Variants in TIAM1 observed in about 807,000 individuals in gnomAD.
TIAM1 encodes TIAM Rac1 associated GEF 1, also known as rho guanine nucleotide exchange factor TIAM1.
A neutral mutation model predicts 163.5 loss-of-function variants in TIAM1; 65 were observed. The observed-to-expected ratio is 0.40, with a 90% CI of 0.33 to 0.49. TIAM1 has a LOEUF of 0.49. TIAM1 is among the 20% of genes least tolerant of loss of function. The probability of loss-of-function intolerance (pLI) is 0.77; values close to 1 mark genes in which losing one functional copy is unlikely to be tolerated. For synonymous variants in TIAM1, 833 were observed against 810.1 expected (o/e 1.03, Z -0.48); for missense variants, 1,789 against 2,044.7 (o/e 0.87, Z 2.41).
At chr21:31,506,032 G>T (rs1040098194) in intron 1 of TIAM1, among the ~76,000 whole-genome samples, 1 of 129,876 alleles carries the variant, frequency 7.7e-6, no homozygotes, top group Non-Finnish European at 1.6e-5. Context: ...AAAAAAAAAA[G>T]GCTGATGCGC....
At chr21:31,392,495 G>T (rs1051283319) in intron 2 of TIAM1, among the ~76,000 whole-genome samples, 1 of 151,126 alleles carries the variant, frequency 6.6e-6, no homozygotes, top group South Asian at 2.1e-4. Flanking sequence ...GCTTGAACCC[G>T]GGAGGCAAAG....
intron 2 of TIAM1, among the ~76,000 whole-genome samples, chr21:31,385,835 T>C (rs527460296): frequency 1.4e-5 from 2 of 147,180 alleles, no homozygotes; most frequent in Non-Finnish European, 3.0e-5. Context: ...TTTAATATAT[T>C]ATATATTTAT....
At chr21:31,163,526 T>C (rs2084036472) in intron 16 of TIAM1, among the ~76,000 whole-genome samples, 1 of 152,122 alleles carries the variant, frequency 6.6e-6, no homozygotes, top group Non-Finnish European at 1.5e-5. Flanking sequence ...TGTGCCCAAC[T>C]TAAAAAGACA....
At chr21:31,238,250 A>C (rs1601660291) in intron 6 of TIAM1, among the ~76,000 whole-genome samples, 1 of 152,340 alleles carries the variant, frequency 6.6e-6, no homozygotes, top group Non-Finnish European at 1.5e-5. Flanking sequence ...AACAGGTTTC[A>C]TTCTGATTCG....
intron 16 of TIAM1, among the ~76,000 whole-genome samples, chr21:31,159,198 C>T (rs529163631): frequency 2.6e-5 from 4 of 152,240 alleles, no homozygotes; most frequent in Non-Finnish European, 5.9e-5. Context: ...AGCTTTTCCA[C>T]TGTCAGGACT....
intron 2 of TIAM1, among the ~76,000 whole-genome samples, chr21:31,450,776 C>T (rs535188911): frequency 2.2e-4 from 34 of 152,224 alleles, no homozygotes; most frequent in African/African-American, 7.7e-4. Flanking sequence ...GAGAGCCAAG[C>T]GGAAAGGGTT....
intron 2 of TIAM1, among the ~76,000 whole-genome samples, chr21:31,302,474 A>C (rs923362877): frequency 3.9e-5 from 6 of 152,182 alleles, no homozygotes; most frequent in African/African-American, 1.4e-4. Context: ...ATTCTCTTCC[A>C]CGTAAAAGGC....
chr21:31,544,190 A>C (rs1981736130), intron 1 of TIAM1, among the ~76,000 whole-genome samples: 1 of 151,954 alleles, frequency 6.6e-6, no homozygotes, highest in Admixed American at 6.6e-5. Flanking sequence ...CCAGGGGGGC[A>C]GAGGGAGATG....
intron 1 of TIAM1, among the ~76,000 whole-genome samples, chr21:31,490,057 A>T (rs1027492475): frequency 3.3e-5 from 5 of 152,166 alleles, no homozygotes; most frequent in Non-Finnish European, 5.9e-5. Context: ...TCCCAAAAAA[A>T]CTTGTACATG....
intron 1 of TIAM1, among the ~76,000 whole-genome samples, chr21:31,512,403 A>G (rs577169632): frequency 4.6e-5 from 7 of 152,032 alleles, no homozygotes; most frequent in African/African-American, 9.6e-5. Flanking sequence ...TCTGGCCACA[A>G]TTTTATTTTT....
At chr21:31,337,775 C>T (rs190238435) in intron 2 of TIAM1, among the ~76,000 whole-genome samples, 18 of 152,028 alleles carry the variant, frequency 1.2e-4, no homozygotes, top group African/African-American at 4.1e-4. Flanking sequence ...AGTAATCCGC[C>T]CACCTCGGCC....
intron 1 of TIAM1, among the ~76,000 whole-genome samples, chr21:31,339,626 C>G (rs1000027606): frequency 6.6e-6 from 1 of 152,182 alleles, no homozygotes; most frequent in African/African-American, 2.4e-5. Context: ...GCTTAGTTAT[C>G]TATAGCTTTG....
chr21:31,160,404 C>G (rs577825684), intron 16 of TIAM1: 1 of 398,586 alleles, frequency 2.5e-6, no homozygotes, highest in Non-Finnish European at 4.4e-6. Flanking sequence ...ATAACACAAT[C>G]AAACCTAGCA....
intron 14 of TIAM1, among the ~76,000 whole-genome samples, 192 bp downstream of exon 14, chr21:31,186,809 C>T (rs2085327705): frequency 6.6e-6 from 1 of 152,060 alleles, no homozygotes; most frequent in Non-Finnish European, 1.5e-5. Flanking sequence ...AAAAAAAGTT[C>T]AAGAATATGA....
intron 12 of TIAM1, among the ~76,000 whole-genome samples, chr21:31,196,138 A>C (rs934499781): frequency 1.3e-5 from 2 of 152,172 alleles, no homozygotes; most frequent in South Asian, 4.1e-4. Context: ...TAAGACATAT[A>C]TGTGGCCAAT....
At chr21:31,371,857 C>T (rs2076602132) in intron 2 of TIAM1, among the ~76,000 whole-genome samples, 1 of 152,172 alleles carries the variant, frequency 6.6e-6, no homozygotes, top group South Asian at 2.1e-4. Context: ...ACTCATTCAC[C>T]CCTTCAGCCC....
intron 15 of TIAM1, 137 bp from the exon 16 acceptor site, chr21:31,165,202 C>A: frequency 1.6e-6 from 1 of 632,822 alleles, no homozygotes; most frequent in South Asian, 2.1e-5. Flanking sequence ...CAAGCTCCAT[C>A]ACCTGGGCTC....
chr21:31,322,448 T>TGC (rs1555936126), intron 2 of TIAM1, among the ~76,000 whole-genome samples: 1 of 136,526 alleles, frequency 7.3e-6, no homozygotes, highest in Non-Finnish European at 1.6e-5. Context: ...CCTCTATGGG[T>TGC]GGGGGGGGGT....
intron 23 of TIAM1, among the ~76,000 whole-genome samples, chr21:31,134,438 C>T (rs75939360): frequency 6.6e-6 from 1 of 152,246 alleles, no homozygotes; most frequent in East Asian, 1.9e-4. Context: ...CAAAAACTAA[C>T]AACTTGTTAA....
Sources: allele counts gnomAD v4.1 joint callset (sites outside exome capture counted in the v4.1 genomes callset), GRCh38; gene constraint gnomAD v4.1.1; transcripts MANE v1.5; gene names NCBI Gene and HGNC (gene_info 2026-07-23, HGNC 2026-07-21).